MCCC1: variants seen among roughly 807,000 people sequenced by gnomAD.
The protein encoded by MCCC1 is methylcrotonoyl-CoA carboxylase subunit alpha, mitochondrial.
In MCCC1, 64 loss-of-function variants were observed where a neutral mutation model predicts 83.8. The observed-to-expected ratio is 0.76, with a 90% confidence interval of 0.62 to 0.94. The LOEUF is 0.94. Ranked by LOEUF, MCCC1 falls within the 40% of genes least tolerant of loss-of-function variation. The pLI is 0.00. For synonymous variants in MCCC1, 322 were observed against 315.4 expected, an observed-to-expected ratio of 1.02 and a Z score of -0.22; for missense variants, 807 against 904.7, an observed-to-expected ratio of 0.89 and a Z score of 1.39.
In MCCC1 at chr3:183,039,150, C is replaced by T; in HGVS notation, c.1268-15G>A. 1 of 1,610,522 alleles carries T rather than the reference C, an allele frequency of 6.2e-7. No individual in the cohort carries two copies. The highest frequency in any genetic ancestry group is 1.3e-5 in the African/African-American group (1 of 74,998). On this transcript the variant is annotated splice_polypyrimidine_tract_variant and intron_variant, in intron 11 of 18. Transcript: ENST00000265594. ...AACTTCGTCTCCTGAAATTGAAAACCACGGTAACCTCTTCAAGTCAAAACA... is the reference window on the plus strand; with the variant it reads ...AACTTCGTCTCCTGAAATTGAAAACTACGGTAACCTCTTCAAGTCAAAACA...
At chr3:183,107,252 A>G (rs1719420132) in intron 1 of MCCC1, among the ~76,000 whole-genome samples, 2 of 151,858 alleles carry the variant, frequency 1.3e-5, no homozygotes, top group South Asian at 4.1e-4. Context: ...TAAGAATAAA[A>G]AAAAAATTAG....
intron 4 of MCCC1, among the ~76,000 whole-genome samples, chr3:183,084,647 C>T (rs557686061): frequency 8.5e-5 from 13 of 152,264 alleles, no homozygotes; most frequent in South Asian, 6.2e-4. Flanking sequence ...CTTGGCTGGG[C>T]GCAGTGGATT....
At chr3:183,113,758 G>A (rs981067116) in intron 1 of MCCC1, among the ~76,000 whole-genome samples, 2 of 151,900 alleles carry the variant, frequency 1.3e-5, no homozygotes, top group Admixed American at 1.3e-4. Context: ...ACTGGTAAAA[G>A]TGTTTCCCAG....
chr3:183,029,787 T>A (rs1419332962), intron 14 of MCCC1, among the ~76,000 whole-genome samples: 1 of 152,156 alleles, frequency 6.6e-6, no homozygotes, highest in African/African-American at 2.4e-5. Context: ...CTTCCTTCCA[T>A]TCCTACTGCT....
intron 15 of MCCC1, chr3:183,022,843 T>C (rs559545434): frequency 4.6e-6 from 1 of 216,968 alleles, no homozygotes; most frequent in East Asian, 1.0e-4. Flanking sequence ...AAGATAGCAT[T>C]AAAAATATGA....
At chr3:183,046,382 A>G (rs1204751450) in intron 9 of MCCC1, among the ~76,000 whole-genome samples, 1 of 147,600 alleles carries the variant, frequency 6.8e-6, no homozygotes, top group African/African-American at 2.5e-5. Context: ...GTCACAACCC[A>G]TTAGTGGATT....
chr3:183,054,680 G>A (rs555983970), intron 8 of MCCC1, among the ~76,000 whole-genome samples: 1 of 152,076 alleles, frequency 6.6e-6, no homozygotes, highest in Non-Finnish European at 1.5e-5. Context: ...TTTACCAAGT[G>A]TACAGTGATG....
At chr3:183,026,065 C>A (rs534518018) in intron 14 of MCCC1, among the ~76,000 whole-genome samples, 1 of 152,250 alleles carries the variant, frequency 6.6e-6, no homozygotes, top group East Asian at 1.9e-4. Flanking sequence ...TTTTTTAAGA[C>A]AGGGTATCAC....
chr3:183,047,977 G>A (rs1017449790), intron 9 of MCCC1, among the ~76,000 whole-genome samples: 1 of 152,214 alleles, frequency 6.6e-6, no homozygotes, highest in Non-Finnish European at 1.5e-5. Flanking sequence ...AAGTATTTGT[G>A]TATCTACATA....
upstream of MCCC1, among the ~76,000 whole-genome samples, chr3:183,102,841 C>T (rs1363710873): frequency 3.5e-5 from 4 of 115,268 alleles, no homozygotes; most frequent in South Asian, 9.0e-4. Context: ...GGCTAGAGTG[C>T]AATGGCATGA....
At chr3:183,108,279 C>T (rs1240544568) in intron 1 of MCCC1, among the ~76,000 whole-genome samples, 1 of 152,086 alleles carries the variant, frequency 6.6e-6, no homozygotes, top group Non-Finnish European at 1.5e-5. Context: ...CTGGTATTTC[C>T]TCATGATTAG....
intron 4 of MCCC1, among the ~76,000 whole-genome samples, chr3:183,080,668 C>T (rs1327101426): frequency 2.0e-5 from 3 of 151,964 alleles, no homozygotes; most frequent in African/African-American, 7.3e-5. Flanking sequence ...TTCACAGCAC[C>T]CTACTCTACT....
chr3:183,018,935 G>A (rs1054273820), intron 17 of MCCC1, among the ~76,000 whole-genome samples: 3 of 152,180 alleles, frequency 2.0e-5, no homozygotes, highest in Admixed American at 6.5e-5. Flanking sequence ...TGGACTCATA[G>A]ATCCTATATG....
rs1281645615 is a variant in MCCC1, at chr3:183,034,454, C to CAAAAA, written c.1595-382_1595-378dup. 1.4e-4 allele frequency among the ~76,000 whole-genome samples: 7 copies of CAAAAA among 50,926 alleles called. 1 individual carries two copies. Among genetic ancestry groups the CAAAAA allele is most frequent in the East Asian group, 6.3e-4 (1 of 1,582 alleles). 33.4% of individuals were successfully genotyped at this position (50,926 alleles called of 152,430 possible). On this transcript the variant is annotated intron_variant, in intron 13 of 18. Transcript: ENST00000265594. ...TGGGCGACAGAGCAAGACTCCGTCT[C>CAAAAA]AAAAAAAAAAAAAAACAAAAAAACA...
intron 1 of MCCC1, 95 bp from the exon 2 acceptor site, chr3:183,094,700 T>C: frequency 8.1e-7 from 1 of 1,229,460 alleles, no homozygotes; most frequent in East Asian, 2.4e-5. Context: ...CATGAAACCT[T>C]AAGCCAACTA....
intron 12 of MCCC1, among the ~76,000 whole-genome samples, chr3:183,038,608 C>G (rs1713816109): frequency 6.6e-6 from 1 of 152,154 alleles, no homozygotes. Context: ...AATTATTTTA[C>G]TTTAGAGAAA....
At chr3:183,042,654 A>G (rs60260096) in intron 10 of MCCC1, among the ~76,000 whole-genome samples, 136,405 of 151,810 alleles carry the variant, frequency 0.9, 61,594 homozygotes, top group East Asian at 1. Flanking sequence ...AACGGAACTA[A>G]GTTAAATACC....
upstream of MCCC1, among the ~76,000 whole-genome samples, chr3:183,102,421 A>G (rs564612297): frequency 6.6e-6 from 1 of 152,264 alleles, no homozygotes; most frequent in Middle Eastern, 3.4e-3. Context: ...AGAATAACAC[A>G]CTGTAAATAA....
chr3:183,015,876 G>C (rs906209746), intron 18 of MCCC1, among the ~76,000 whole-genome samples: 1 of 151,828 alleles, frequency 6.6e-6, no homozygotes, highest in African/African-American at 2.4e-5. Context: ...ATTGCACCTA[G>C]GAAGCTTTCA....
Sources: gnomAD v4.1 joint callset for allele counts (sites outside exome capture counted in the v4.1 genomes callset) on GRCh38, gnomAD v4.1.1 for gene constraint, MANE v1.5 for transcripts, NCBI Gene and HGNC (gene_info 2026-07-23, HGNC 2026-07-21) for gene names.